Variants in ARHGEF37 observed in about 807,000 individuals in gnomAD.
ARHGEF37 encodes Rho guanine nucleotide exchange factor (GEF) 37.
In ARHGEF37, 55 loss-of-function variants were observed where a neutral mutation model predicts 71.1. The observed-to-expected ratio is 0.77, with a 90% CI of 0.62 to 0.97. The LOEUF is 0.97. Ranked by LOEUF, ARHGEF37 falls within the 50% of genes least tolerant of loss-of-function variation. The pLI is 0.00. For synonymous variants in ARHGEF37, 327 were observed against 350.6 expected, an observed-to-expected ratio of 0.93 and a Z score of 0.75; for missense variants, 765 against 836.8, an observed-to-expected ratio of 0.91 and a Z score of 1.06.
intron 11 of ARHGEF37, among the ~76,000 whole-genome samples, chr5:149,628,432 G>A (rs889837247): frequency 1.3e-5 from 2 of 152,154 alleles, no homozygotes; most frequent in African/African-American, 2.4e-5. Context: ...GGCAGTCTCC[G>A]CCTCCTAGGA....
Position 149,558,737 on chromosome 5 carries a change from GTATA to G in ARHGEF37, c.-12+6620_-12+6623del, listed in dbSNP as rs1307628128. On this transcript the variant is annotated intron_variant, in intron 1 of 2. Coordinates refer to the ARHGEF37 transcript ENST00000505810. Reference sequence around the variant, plus strand: ...TGTGTGTGTGTGTGTGTGTGTGTGTGTATATATATTTTTATATGTATAAAATATT... The same window carrying G: ...TGTGTGTGTGTGTGTGTGTGTGTGTGTATATTTTTATATGTATAAAATATT... 1.5e-3 allele frequency among the ~76,000 whole-genome samples: 124 copies of G among 82,640 alleles called. 1 individual carries two copies. Among genetic ancestry groups the G allele is most frequent in the African/African-American group, 6.8e-3 (116 of 16,976 alleles). 54.2% of individuals were successfully genotyped at this position (82,640 alleles called of 152,430 possible).
At chr5:149,626,299 G>A (rs1324914448) in intron 10 of ARHGEF37, among the ~76,000 whole-genome samples, 2 of 150,382 alleles carry the variant, frequency 1.3e-5, no homozygotes, top group African/African-American at 4.9e-5. Flanking sequence ...CCTCTCTCAA[G>A]ACATAGAGTA....
At chr5:149,604,689 T>C (rs1331344060) in intron 3 of ARHGEF37, among the ~76,000 whole-genome samples, 1 of 98,952 alleles carries the variant, frequency 1.0e-5, no homozygotes, top group Admixed American at 1.2e-4. Context: ...TTTTTTTTTT[T>C]TTTTTTTTTT....
At chr5:149,611,201 G>T (rs746221204) in intron 4 of ARHGEF37, among the ~76,000 whole-genome samples, 28 of 152,192 alleles carry the variant, frequency 1.8e-4, no homozygotes, top group Admixed American at 2.0e-4. Context: ...AAGTCCTAAG[G>T]CCAGCCCATA....
intron 7 of ARHGEF37, among the ~76,000 whole-genome samples, chr5:149,619,683 A>C (rs1752478416): frequency 6.6e-6 from 1 of 152,220 alleles, no homozygotes; most frequent in Admixed American, 6.5e-5. Context: ...ATGAAGATTT[A>C]AATGCTATGG....
Position 149,609,741 on chromosome 5 carries a change from G to A in ARHGEF37, c.458+46G>A, listed in dbSNP as rs565060260. On this transcript the variant is annotated intron_variant, in intron 4 of 12. Transcript: ENST00000333677. ...GCACTCGCTCCTACCCCACTGACCCGGTTCAGGAGCAGCTATGGTCTCACC... is the reference window on the plus strand; with the variant it reads ...GCACTCGCTCCTACCCCACTGACCCAGTTCAGGAGCAGCTATGGTCTCACC... 387 of 1,609,262 alleles carry A rather than the reference G, an allele frequency of 2.4e-4. 5 individuals carry two copies. The South Asian group carries it at 3.7e-3, about 16-fold the overall frequency.
At chr5:149,562,357 G>C (rs1762843506) in intron 1 of ARHGEF37, among the ~76,000 whole-genome samples, 1 of 152,212 alleles carries the variant, frequency 6.6e-6, no homozygotes, top group African/African-American at 2.4e-5. Context: ...CAGTATAAGA[G>C]CTAGGTAACT....
intron 1 of ARHGEF37, among the ~76,000 whole-genome samples, chr5:149,573,440 T>G (rs1416513791): frequency 6.6e-6 from 1 of 152,204 alleles, no homozygotes; most frequent in Non-Finnish European, 1.5e-5. Flanking sequence ...CTTACTTCAT[T>G]CACGTCACTG....
intron 3 of ARHGEF37, among the ~76,000 whole-genome samples, chr5:149,602,882 C>G (rs960505606): frequency 6.6e-6 from 1 of 152,138 alleles, no homozygotes; most frequent in African/African-American, 2.4e-5. Flanking sequence ...TCTAACCTTT[C>G]CTGAACACGA....
chr5:149,622,854 G>A (rs1159173894), intron 9 of ARHGEF37, among the ~76,000 whole-genome samples: 1 of 152,208 alleles, frequency 6.6e-6, no homozygotes. Context: ...GTCAACATGA[G>A]AGCTGAATTG....
intron 1 of ARHGEF37, among the ~76,000 whole-genome samples, chr5:149,570,660 G>A (rs1031631381): frequency 1.5e-4 from 22 of 151,520 alleles, no homozygotes; most frequent in East Asian, 9.8e-4. Flanking sequence ...GGCGGATCAC[G>A]AGGTCAGGAG....
chr5:149,622,100 C>A, intron 9 of ARHGEF37, 38 bp downstream of exon 9: 2 of 1,539,754 alleles, frequency 1.3e-6, no homozygotes, highest in Non-Finnish European at 1.8e-6. Flanking sequence ...TGGGGAGTAG[C>A]CAGGCAAGGC....
chr5:149,630,090 T>C (rs1483668913), intron 12 of ARHGEF37, among the ~76,000 whole-genome samples: 2 of 152,018 alleles, frequency 1.3e-5, no homozygotes, highest in Non-Finnish European at 2.9e-5. Flanking sequence ...GTGATGAAAA[T>C]GTTCTGGAAT....
chr5:149,593,577 C>G (rs1902794), intron 1 of ARHGEF37, among the ~76,000 whole-genome samples: 44,343 of 152,068 alleles, frequency 0.29, 6,929 homozygotes, highest in Admixed American at 0.44. Context: ...TTCTGACTCA[C>G]CAAAAACTTA....
intron 1 of ARHGEF37, among the ~76,000 whole-genome samples, chr5:149,568,022 G>A (rs986593099): frequency 2.0e-5 from 3 of 151,894 alleles, no homozygotes; most frequent in African/African-American, 7.3e-5. Flanking sequence ...ACTTCACAAG[G>A]TGCATTCTAG....
intron 12 of ARHGEF37, 57 bp from the exon 13 acceptor site, chr5:149,631,925 C>T: frequency 6.4e-7 from 1 of 1,565,130 alleles, no homozygotes; most frequent in Admixed American, 1.7e-5. Context: ...CTCTCTGGAT[C>T]CAGTCTGTCT....
At chr5:149,577,074 C>T (rs1180561665), upstream of ARHGEF37, among the ~76,000 whole-genome samples, 3 of 152,174 alleles carry the variant, frequency 2.0e-5, no homozygotes, top group Admixed American at 6.5e-5. Context: ...AGCAACCACA[C>T]GAGAAACACT....
At chr5:149,572,483 A>T (rs1007519617) in intron 1 of ARHGEF37, among the ~76,000 whole-genome samples, 1 of 152,170 alleles carries the variant, frequency 6.6e-6, no homozygotes, top group African/African-American at 2.4e-5. Context: ...TGGAAGTATG[A>T]ACTTGTTATT....
intron 1 of ARHGEF37, among the ~76,000 whole-genome samples, chr5:149,595,823 A>C (rs1474102353): frequency 1.3e-5 from 2 of 152,100 alleles, no homozygotes; most frequent in Non-Finnish European, 2.9e-5. Context: ...ATTGATTTGG[A>C]CCTAAACCCA....
Sources: allele counts gnomAD v4.1 joint callset (sites outside exome capture counted in the v4.1 genomes callset), GRCh38; gene constraint gnomAD v4.1.1; transcripts MANE v1.5; gene names NCBI Gene and HGNC (gene_info 2026-07-23, HGNC 2026-07-21).